CTNNA3: variants seen among roughly 807,000 people sequenced by gnomAD.
CTNNA3 encodes the protein catenin alpha 3.
CTNNA3 carries 76 observed loss-of-function variants against 95.7 expected under a neutral mutation model. The observed-to-expected ratio is 0.79, with a 90% CI of 0.66 to 0.96. The LOEUF (loss-of-function observed/expected upper bound fraction) is 0.96, where lower values mean the gene tolerates loss of function less well. CTNNA3 is among the 40% of genes least tolerant of loss of function. The pLI is 0.00. For missense variants in CTNNA3, 1,191 were observed against 1,089.8 expected (o/e 1.09, Z -1.31); for synonymous variants, 431 against 374.4 (o/e 1.15, Z -1.74).
chr10:67,138,686 G>A (rs1191884403), intron 7 of CTNNA3, among the ~76,000 whole-genome samples: 3 of 152,138 alleles, frequency 2.0e-5, no homozygotes, highest in Admixed American at 1.3e-4. Flanking sequence ...AATGGCAGCT[G>A]CCAGCTTCTC....
At chr10:67,647,653 C>G (rs933461128) in intron 1 of CTNNA3, 135 bp from the exon 2 acceptor site, 2 of 613,570 alleles carry the variant, frequency 3.3e-6, no homozygotes, top group Non-Finnish European at 5.6e-6. Flanking sequence ...CTCAGAGGAC[C>G]AGGCTACAAA....
chr10:66,721,412 G>A (rs1469841011), intron 9 of CTNNA3, among the ~76,000 whole-genome samples: 1 of 152,108 alleles, frequency 6.6e-6, no homozygotes, highest in Non-Finnish European at 1.5e-5. Context: ...TAGTATAGTA[G>A]TGCATATGTA....
intron 9 of CTNNA3, among the ~76,000 whole-genome samples, chr10:66,685,206 C>CGTGTATATATATGTGTATATATATACGT (rs67165990): frequency 8.6e-6 from 1 of 116,900 alleles, no homozygotes; most frequent in Non-Finnish European, 1.8e-5. Flanking sequence ...TATATATATA[C>CGTGTATATATATGTGTATATATATACGT]GTATATATAT....
chr10:67,388,164 A>C (rs1844277550), intron 5 of CTNNA3, among the ~76,000 whole-genome samples: 1 of 118,264 alleles, frequency 8.5e-6, no homozygotes, highest in Admixed American at 9.0e-5. Context: ...AACTTTGAAA[A>C]AAATTTAGAA....
chr10:66,248,063 G>C (rs915267660), intron 13 of CTNNA3, among the ~76,000 whole-genome samples: 1 of 152,032 alleles, frequency 6.6e-6, no homozygotes, highest in Non-Finnish European at 1.5e-5. Context: ...TCAAGACATA[G>C]TACAAGAATA....
chr10:66,645,148 C>A (rs1361418547), intron 9 of CTNNA3, among the ~76,000 whole-genome samples: 2 of 151,852 alleles, frequency 1.3e-5, no homozygotes, highest in African/African-American at 4.8e-5. Context: ...TATGTTCTCC[C>A]ATTCTTTAGC....
chr10:67,728,975 CA>C, intron 1 of CTNNA3, among the ~76,000 whole-genome samples: 1 of 152,148 alleles, frequency 6.6e-6, no homozygotes, highest in East Asian at 1.9e-4. Context: ...TTAAAGCTTC[CA>C]TATTAATTTC....
chr10:67,521,970 G>T lies in CTNNA3; in HGVS notation c.460-9C>A. The T allele has an allele frequency of 6.2e-7, 1 of 1,606,184 alleles. No homozygotes were observed. The highest frequency in any genetic ancestry group is 8.5e-7 in the Non-Finnish European group (1 of 1,175,496). On this transcript the variant is annotated splice_polypyrimidine_tract_variant and intron_variant, in intron 4 of 17. Coordinates refer to ENST00000433211, the MANE Select transcript of CTNNA3 (RefSeq NM_013266.4). The stretch of plus-strand genomic sequence containing the variant: ...TCAAATGTCCTTTGAAACTGAAATT[G>T]AAAACAAAAGTAGATCATTAGGATA...
At chr10:67,209,203 C>A (rs139390605) in intron 6 of CTNNA3, among the ~76,000 whole-genome samples, 3 of 152,050 alleles carry the variant, frequency 2.0e-5, no homozygotes. Flanking sequence ...CACACGCCAC[C>A]GTGTCCAGCT....
intron 11 of CTNNA3, among the ~76,000 whole-genome samples, chr10:66,397,489 C>CAT (rs2092988398): frequency 1.3e-5 from 2 of 151,654 alleles, no homozygotes; most frequent in South Asian, 2.1e-4. Context: ...AATTAGTACT[C>CAT]ATATATATAT....
At chr10:66,272,277 T>A (rs899709059) in intron 13 of CTNNA3, among the ~76,000 whole-genome samples, 7 of 152,102 alleles carry the variant, frequency 4.6e-5, no homozygotes, top group Admixed American at 3.9e-4. Flanking sequence ...ATTCCATGAG[T>A]CCTGTGAGGT....
intron 10 of CTNNA3, among the ~76,000 whole-genome samples, chr10:66,528,708 A>G (rs1841356286): frequency 1.3e-5 from 2 of 152,112 alleles, no homozygotes. Context: ...TGGTATTGAC[A>G]TCGGATCATG....
At chr10:67,568,332 G>C (rs185025043) in intron 3 of CTNNA3, among the ~76,000 whole-genome samples, 1 of 151,766 alleles carries the variant, frequency 6.6e-6, no homozygotes, top group Non-Finnish European at 1.5e-5. Context: ...TTGGAAAGTG[G>C]CATCCTGGAA....
At chr10:66,124,381 T>A (rs1327147065) in intron 13 of CTNNA3, among the ~76,000 whole-genome samples, 1 of 152,172 alleles carries the variant, frequency 6.6e-6, no homozygotes, top group Non-Finnish European at 1.5e-5. Context: ...ATTGTCCATA[T>A]CATTATCAGC....
At chr10:67,305,370 A>AG (rs386371684) in intron 5 of CTNNA3, among the ~76,000 whole-genome samples, 217 of 149,712 alleles carry the variant, frequency 1.4e-3, no homozygotes, top group Non-Finnish European at 2.4e-3. Context: ...ATAATAAAAA[A>AG]AAAAAATTAA....
chr10:67,309,765 C>T (rs1840704985), intron 5 of CTNNA3, among the ~76,000 whole-genome samples: 1 of 152,066 alleles, frequency 6.6e-6, no homozygotes, highest in South Asian at 2.1e-4. Flanking sequence ...TTTCAGAAAT[C>T]CCAAATAGAA....
intron 7 of CTNNA3, among the ~76,000 whole-genome samples, chr10:67,068,895 A>G (rs769042433): frequency 1.3e-5 from 2 of 152,088 alleles, no homozygotes; most frequent in Non-Finnish European, 2.9e-5. Flanking sequence ...CCCTGTCTCT[A>G]CTAAAAATAC....
At chr10:67,736,260 GA>G (rs1841301571) in intron 1 of CTNNA3, among the ~76,000 whole-genome samples, 1 of 147,408 alleles carries the variant, frequency 6.8e-6, no homozygotes, top group Non-Finnish European at 1.5e-5. Flanking sequence ...GAAGTTACCA[GA>G]AACTAGGGGC....
intron 17 of CTNNA3, among the ~76,000 whole-genome samples, chr10:65,965,614 A>G (rs1376260070): frequency 6.6e-6 from 1 of 151,910 alleles, no homozygotes; most frequent in Non-Finnish European, 1.5e-5. Context: ...CATGTTGGCC[A>G]GGTTGGTCTT....
Sources: allele counts gnomAD v4.1 joint callset (sites outside exome capture counted in the v4.1 genomes callset), GRCh38; gene constraint gnomAD v4.1.1; transcripts MANE v1.5; gene names NCBI Gene and HGNC (gene_info 2026-07-23, HGNC 2026-07-21).